Variants in ITGA10 observed in about 807,000 individuals in gnomAD.
ITGA10 encodes integrin subunit alpha 10.
A neutral mutation model predicts 145.2 loss-of-function variants in ITGA10; 105 were observed. The observed-to-expected ratio is 0.72, with a 90% CI of 0.62 to 0.85. ITGA10 has a LOEUF of 0.85. Among genes scored for constraint, ITGA10 ranks in the 40% least tolerant of loss-of-function variants. ITGA10 has a pLI of 0.00. For synonymous variants in ITGA10, 506 were observed against 557.8 expected (o/e 0.91, Z 1.31); for missense variants, 1,317 against 1,444.5 (o/e 0.91, Z 1.43).
chr1:145,897,864 A>C lies in ITGA10; in HGVS notation c.2383T>G (p.Cys795Gly). 1 of 1,614,152 alleles carries C rather than the reference A, an allele frequency of 6.2e-7. No individual in the cohort carries two copies. Among genetic ancestry groups the C allele is most frequent in the Admixed American group, 1.7e-5 (1 of 60,028 alleles). Residue 795 changes from cysteine to glycine, a missense_variant, in exon 19 of 30, where the codon TGT becomes GGT. Cys to Gly is a radical substitution (Grantham distance 159). Transcript: ENST00000369304. ...FSKDCGPDNECVTDLVLQVNM... is the reference protein window; with the variant it reads ...FSKDCGPDNEGVTDLVLQVNM... Reference sequence around the variant, plus strand: ...ACTTGAAGCACCAGGTCTGTGACACATTCATTGTCAGGGCCACAATCCTTT... The same window carrying C: ...ACTTGAAGCACCAGGTCTGTGACACCTTCATTGTCAGGGCCACAATCCTTT...
At chr1:145,898,825 T>G (rs1655815776) in intron 17 of ITGA10, 111 bp downstream of exon 17, 2 of 1,313,132 alleles carry the variant, frequency 1.5e-6, no homozygotes, top group Non-Finnish European at 2.1e-6. Flanking sequence ...CTGAATCATC[T>G]CATTTTCCCG....
At chr1:145,906,564 C>G (rs587628296) in intron 4 of ITGA10, 56 bp from the exon 5 acceptor site, 2 of 1,493,106 alleles carry the variant, frequency 1.3e-6, no homozygotes, top group South Asian at 2.3e-5. Context: ...TCAGAACATG[C>G]TCCCAGTTGA....
At position 145,893,226 on chromosome 1, in the gene ITGA10, T is replaced by C; in HGVS notation, c.3373A>G (p.Ile1125Val). ...QTRPILISLW[I>V]LIGSVLGGLL... ...CCTCCCAGGACACTGCCTATGAGGA[T>C]CCACAGGGAGATGAGGATAGGCCGG... is the stretch of plus-strand genomic sequence containing the variant. The change falls in exon 29 of 30, where the codon ATC (isoleucine) becomes GTC (valine). Residue 1125 changes from isoleucine to valine, a missense_variant. Coordinates refer to ENST00000369304, the MANE Select transcript of ITGA10 (RefSeq NM_003637.5). 1 of 1,614,062 alleles carries C rather than the reference T, an allele frequency of 6.2e-7. No homozygotes were observed. The highest frequency in any genetic ancestry group is 1.6e-4 in the Middle Eastern group (1 of 6,062).
chr1:145,909,616 ATAAT>A (rs1553752589), intron 1 of ITGA10, among the ~76,000 whole-genome samples: 1 of 137,426 alleles, frequency 7.3e-6, no homozygotes, highest in African/African-American at 2.7e-5. Flanking sequence ...TATATAATAT[ATAAT>A]TATGTTATAT....
In ITGA10 at chr1:145,901,576, G is replaced by C; in HGVS notation, c.1383C>G (p.Ile461Met). ...APRFRHRGKVIAFQLKKDGAV... is the reference protein window; with the variant it reads ...APRFRHRGKVMAFQLKKDGAV... ...CCCCATCTTTCTTAAGCTGGAAGGCGATGACTTTTCCTCGATGTCTAAATC... is the reference window on the plus strand; with the variant it reads ...CCCCATCTTTCTTAAGCTGGAAGGCCATGACTTTTCCTCGATGTCTAAATC... The change falls in exon 12 of 30, where the codon ATC becomes ATG. Residue 461 changes from isoleucine (I) to methionine (M), a missense_variant. Transcript: ENST00000369304. This position sits in a 1 kb window ranked among gnomAD's most constrained non-coding sequence, Gnocchi z 4.3. The C allele has an allele frequency of 6.2e-7, 1 of 1,607,378 alleles. No individual in the cohort carries two copies. Among genetic ancestry groups the C allele is most frequent in the East Asian group, 2.2e-5 (1 of 44,814 alleles).
chr1:145,896,398 C>A, intron 23 of ITGA10, 46 bp from the exon 24 acceptor site: 1 of 1,424,434 alleles, frequency 7.0e-7, no homozygotes, highest in Admixed American at 1.7e-5. Context: ...AGCCATAACA[C>A]AGACACAGGG....
chr1:145,899,123 G>A (rs782339175), intron 16 of ITGA10, 45 bp from the exon 17 acceptor site: 7 of 1,614,136 alleles, frequency 4.3e-6, no homozygotes. Context: ...GGTCTAGTGA[G>A]GAAGGCATGC....
chr1:145,898,111 A>G lies in ITGA10; in HGVS notation c.2345T>C (p.Leu782Pro). The change falls in exon 18 of 30, where the codon CTG (leucine) becomes CCG (proline). Residue 782 changes from leucine to proline, a missense_variant and splice_region_variant. Leu to Pro is a moderately conservative substitution (Grantham distance 98). Transcript: ENST00000369304. ...NEGSPTSIQK[L>P]VPFSKDCGPD... ...GGGGCAGGGCATGGCACTGCTGACC[A>G]GCTTTTGTATAGAGGTGGGTGAGCC... The G allele has an allele frequency of 6.2e-7, 1 of 1,610,270 alleles. No individual in the cohort carries two copies. The highest frequency in any genetic ancestry group is 8.5e-7 in the Non-Finnish European group (1 of 1,176,478).
rs782465914 is a variant in ITGA10, at chr1:145,906,489, G to T, written c.386C>A (p.Ser129Tyr). The T allele has an allele frequency of 6.2e-7, 1 of 1,614,110 alleles. No homozygotes were observed. The highest frequency in any genetic ancestry group is 8.5e-7 in the Non-Finnish European group (1 of 1,179,998). Residue 129 changes from serine to tyrosine, a missense_variant, in exon 5 of 30, where the codon TCT becomes TAT. Transcript: ENST00000369304. ...GGFMACAPLW[S>Y]RACGSSVFSS... The stretch of plus-strand genomic sequence containing the variant: ...GAAGACAGAGCTGCCACAAGCACGA[G>T]ACCAGAGAGGGGCACAGGCCTGGGG...
In ITGA10 at chr1:145,902,258, A is replaced by G. The variant is rs1380391813; in HGVS notation, c.1137T>C (p.Thr379=). 8 of 1,613,994 alleles carry G rather than the reference A, an allele frequency of 5.0e-6. No individual in the cohort carries two copies. The highest frequency in any genetic ancestry group is 6.8e-6 in the Non-Finnish European group (8 of 1,179,978). Residue 379 remains threonine (T), a synonymous_variant, in exon 10 of 30, where the codon ACT becomes ACC. Coordinates refer to ENST00000369304, the MANE Select transcript of ITGA10 (RefSeq NM_003637.5). ...GLEMSQIGFS[T]HRLKDGILFG... is the part of the protein sequence containing the mutation. ...CAATCTGTCCAACCTTTAGCCGATG[A>G]GTGGAGAAACCAATCTGAGACATTT...
At chr1:145,893,744 C>T in intron 27 of ITGA10, 109 bp from the exon 28 acceptor site, 7 of 751,168 alleles carry the variant, frequency 9.3e-6, no homozygotes, top group South Asian at 3.4e-5. Context: ...ATGTTGAGGG[C>T]TCTCAAGACC....
Position 145,892,176 on chromosome 1 carries a change from G to A in ITGA10, c.*622C>T, listed in dbSNP as rs782412244. On this transcript the variant is annotated 3_prime_UTR_variant, in exon 30 of 30. Transcript: ENST00000369304. Reference sequence around the variant, plus strand: ...ACTACAGGTCTCAGGTTTCAGGGGGGATGGCAGTTGCCTGTCTAAAGGCTT... The same window carrying A: ...ACTACAGGTCTCAGGTTTCAGGGGGAATGGCAGTTGCCTGTCTAAAGGCTT... 3 of 152,798 alleles carry A rather than the reference G, an allele frequency of 2.0e-5. No homozygotes were observed. The highest frequency in any genetic ancestry group is 4.4e-5 in the Non-Finnish European group (3 of 68,164). 9.5% of individuals were successfully genotyped at this position (152,798 alleles called of 1,614,324 possible). A position where few individuals can be genotyped will look rare whatever the true frequency, so the allele number is the denominator to read the frequency against.
intron 27 of ITGA10, among the ~76,000 whole-genome samples, chr1:145,894,818 G>A (rs781982411): frequency 1.3e-5 from 2 of 152,166 alleles, no homozygotes; most frequent in Non-Finnish European, 2.9e-5. Flanking sequence ...TATGTTAAGC[G>A]CCTACAATGA....
chr1:145,902,240 T>C lies in ITGA10; in HGVS notation c.1149+6A>G. 6.2e-7 allele frequency: 1 copy of C among 1,613,980 alleles called. No individual in the cohort carries two copies. The highest frequency in any genetic ancestry group is 8.5e-7 in the Non-Finnish European group (1 of 1,179,866). On this transcript the variant is annotated splice_donor_region_variant and intron_variant, in intron 10 of 29. Coordinates refer to ENST00000369304, the MANE Select transcript of ITGA10 (RefSeq NM_003637.5). ...GAGAAGTAATGAAGGGGTCAATCTGTCCAACCTTTAGCCGATGAGTGGAGA... is the reference window on the plus strand; with the variant it reads ...GAGAAGTAATGAAGGGGTCAATCTGCCCAACCTTTAGCCGATGAGTGGAGA...
At chr1:145,893,903 G>C (rs1330895805) in intron 27 of ITGA10, among the ~76,000 whole-genome samples, 1 of 151,238 alleles carries the variant, frequency 6.6e-6, no homozygotes, top group Non-Finnish European at 1.5e-5. Flanking sequence ...TCTTTCCTTT[G>C]GCTGACCTCT....
At chr1:145,897,763 C>T in intron 19 of ITGA10, 52 bp downstream of exon 19, 4 of 1,610,458 alleles carry the variant, frequency 2.5e-6, no homozygotes, top group South Asian at 2.2e-5. Context: ...CTTCGAGTCC[C>T]TTCCAGTCTG....
At position 145,904,835 on chromosome 1, in the gene ITGA10, G is replaced by T. The variant is rs377447385; in HGVS notation, c.482-24C>A. 6 of 1,609,730 alleles carry T rather than the reference G, an allele frequency of 3.7e-6. No homozygotes were observed. In the African/African-American group the frequency reaches 8.0e-5, roughly 22 times the overall value. ...GCCTAGAAGGAAGGAGAACACTGAGGTAGAGGACACTGAGCTGGGGGCAAC... is the reference window on the plus strand; with the variant it reads ...GCCTAGAAGGAAGGAGAACACTGAGTTAGAGGACACTGAGCTGGGGGCAAC... On this transcript the variant is annotated intron_variant, in intron 5 of 29. Coordinates refer to ENST00000369304, the MANE Select transcript of ITGA10 (RefSeq NM_003637.5).
chr1:145,903,282 A>G (rs1275229744), intron 7 of ITGA10, among the ~76,000 whole-genome samples: 1 of 152,230 alleles, frequency 6.6e-6, no homozygotes, highest in African/African-American at 2.4e-5. Context: ...GATGAAATAT[A>G]GAACGGAAAA....
intron 29 of ITGA10, 85 bp from the exon 30 acceptor site, chr1:145,892,948 C>T: frequency 9.0e-7 from 1 of 1,109,702 alleles, no homozygotes; most frequent in Non-Finnish European, 1.4e-6. Context: ...GAGGTCTTCA[C>T]TTTTGTTCTG....
Sources: gnomAD v4.1 joint callset for allele counts (sites outside exome capture counted in the v4.1 genomes callset) on GRCh38, gnomAD v4.1.1 for gene constraint, Gnocchi (gnomAD v3.1) non-coding constraint, MANE v1.5 for transcripts, NCBI Gene and HGNC (gene_info 2026-07-23, HGNC 2026-07-21) for gene names.